CDC34: variants seen among roughly 807,000 people sequenced by gnomAD.
CDC34 encodes the protein ubiquitin-conjugating enzyme E2 R1.
A neutral mutation model predicts 26.8 loss-of-function variants in CDC34; 18 were observed. The observed-to-expected ratio is 0.67, with a 90% CI of 0.47 to 1.00. The LOEUF (loss-of-function observed/expected upper bound fraction) is 1.00, where lower values mean the gene tolerates loss of function less well. Among genes scored for constraint, CDC34 ranks in the 50% least tolerant of loss-of-function variants. The probability of loss-of-function intolerance (pLI) is 0.00; values close to 1 mark genes in which losing one functional copy is unlikely to be tolerated. For synonymous variants in CDC34, 178 were observed against 147.5 expected (o/e 1.21, Z -1.50); for missense variants, 280 against 334.5 (o/e 0.84, Z 1.27).
At chr19:534,489 C>T (rs1385577117) in intron 1 of CDC34, among the ~76,000 whole-genome samples, 5 of 124,212 alleles carry the variant, frequency 4.0e-5, no homozygotes, top group African/African-American at 6.4e-5. Flanking sequence ...ACCTCACCCA[C>T]GATCCAAGAC....
chr19:536,272 C>G lies in CDC34; in HGVS notation c.294C>G (p.His98Gln). 6.2e-7 allele frequency: 1 copy of G among 1,610,044 alleles called. No individual in the cohort carries two copies. Among genetic ancestry groups the G allele is most frequent in the Non-Finnish European group, 8.5e-7 (1 of 1,178,684 alleles). ...ETGDVCISIL[H>Q]PPVDDPQSGE... ...GGGACGTGTGTATCTCCATCCTCCA[C>G]CCGCCGGTGGACGACCCCCAGAGCG... Residue 98 changes from histidine to glutamine, a missense_variant, in exon 3 of 5, where the codon CAC becomes CAG. Physicochemically the swap from His to Gln is conservative, Grantham distance 24. Transcript: ENST00000215574.
At position 541,422 on chromosome 19, in the gene CDC34, C is replaced by A. The variant is rs762396271; in HGVS notation, c.581C>A (p.Thr194Asn). The A allele has an allele frequency of 1.2e-6, 2 of 1,612,508 alleles. No homozygotes were observed. Among genetic ancestry groups the A allele is most frequent in the South Asian group, 1.1e-5 (1 of 91,062 alleles). The change falls in exon 5 of 5, where the codon ACC (threonine) becomes AAC (asparagine). Residue 194 changes from threonine (T) to asparagine (N), a missense_variant. Transcript: ENST00000215574. Reference sequence around the variant, plus strand: ...ACGCTGGCCGAGTACTGCGTGAAGACCAAGGCGCCGGCGCCCGACGAGGGC... The same window carrying A: ...ACGCTGGCCGAGTACTGCGTGAAGAACAAGGCGCCGGCGCCCGACGAGGGC... ...PTTLAEYCVKTKAPAPDEGSD... is the reference protein window; with the variant it reads ...PTTLAEYCVKNKAPAPDEGSD...
At chr19:535,149 C>G (rs1221192155) in intron 1 of CDC34, among the ~76,000 whole-genome samples, 1 of 152,234 alleles carries the variant, frequency 6.6e-6, no homozygotes, top group Non-Finnish European at 1.5e-5. Context: ...AGGCCTCCCT[C>G]TGTGGCCGTC....
intron 4 of CDC34, among the ~76,000 whole-genome samples, 170 bp downstream of exon 4, chr19:537,317 G>A (rs1217000544): frequency 2.0e-5 from 3 of 152,120 alleles, no homozygotes; most frequent in African/African-American, 7.2e-5. Flanking sequence ...GTGGCGGAGG[G>A]TCCAGCCAGG....
In CDC34 at chr19:536,289, C is replaced by A. The variant is rs773893349; in HGVS notation, c.311C>A (p.Pro104His). Residue 104 changes from proline to histidine, a missense_variant, in exon 3 of 5, where the codon CCC becomes CAC. Physicochemically the swap from Pro to His is moderately conservative, Grantham distance 77. Transcript: ENST00000215574. ...ISILHPPVDDPQSGELPSERW... is the reference protein window; with the variant it reads ...ISILHPPVDDHQSGELPSERW... ...ATCCTCCACCCGCCGGTGGACGACC[C>A]CCAGAGCGGGGAGCTGCCCTCAGAG... 6.2e-7 allele frequency: 1 copy of A among 1,612,574 alleles called. No individual in the cohort carries two copies. Among genetic ancestry groups the A allele is most frequent in the South Asian group, 1.1e-5 (1 of 90,960 alleles).
chr19:536,231 C>T lies in CDC34; in HGVS notation c.265-12C>T, dbSNP rs377054372. ...CCTCTGACCTGTTCTGACCTGTCTTCTTCTTGTGCAGACGGGGGACGTGTG... is the reference window on the plus strand; with the variant it reads ...CCTCTGACCTGTTCTGACCTGTCTTTTTCTTGTGCAGACGGGGGACGTGTG... On this transcript the variant is annotated splice_polypyrimidine_tract_variant and intron_variant, in intron 2 of 4. Coordinates refer to ENST00000215574, the MANE Select transcript of CDC34 (RefSeq NM_004359.2). The T allele has an allele frequency of 9.1e-5, 146 of 1,598,666 alleles. No individual in the cohort carries two copies. In the African/African-American group the frequency reaches 1.5e-3, roughly 17 times the overall value.
At chr19:537,574 G>C (rs1016800974) in intron 4 of CDC34, among the ~76,000 whole-genome samples, 18 of 150,198 alleles carry the variant, frequency 1.2e-4, no homozygotes, top group African/African-American at 4.2e-4. Context: ...GGATGGTCTC[G>C]ATCTCCTGAC....
At chr19:535,959 C>T (rs1302375357) in intron 2 of CDC34, 36 bp downstream of exon 2, 58 of 1,577,672 alleles carry the variant, frequency 3.7e-5, no homozygotes, top group Non-Finnish European at 4.8e-5. Flanking sequence ...AGTCCTCATC[C>T]TCCGGGACCC....
intron 1 of CDC34, among the ~76,000 whole-genome samples, chr19:532,591 A>G (rs983830195): frequency 3.3e-5 from 5 of 152,002 alleles, no homozygotes; most frequent in African/African-American, 1.2e-4. Context: ...CGTAGCTGCT[A>G]TTGTTGGGGA....
rs1980024292 is a variant in CDC34, at chr19:541,649, C to G, written c.*97C>G. The G allele has an allele frequency of 3.7e-6, 5 of 1,352,578 alleles. No homozygotes were observed. In the South Asian group the frequency reaches 4.6e-5, roughly 12 times the overall value. 83.8% of individuals were successfully genotyped at this position (1,352,578 alleles called of 1,614,324 possible). On this transcript the variant is annotated 3_prime_UTR_variant, in exon 5 of 5. Transcript: ENST00000215574. Reference sequence around the variant, plus strand: ...CTCACGGAGGTTTTGTGCTGGTCCCCGTCTCCTCTGGTTGTTTCGTTTTGG... The same window carrying G: ...CTCACGGAGGTTTTGTGCTGGTCCCGGTCTCCTCTGGTTGTTTCGTTTTGG...
chr19:532,935 G>A (rs570349789), intron 1 of CDC34, among the ~76,000 whole-genome samples: 1 of 152,302 alleles, frequency 6.6e-6, no homozygotes, highest in African/African-American at 2.4e-5. Flanking sequence ...AGAGTCCACT[G>A]AACAGGTGGC....
chr19:538,629 C>CA (rs953172094), intron 4 of CDC34: 1 of 853,112 alleles, frequency 1.2e-6, no homozygotes, highest in African/African-American at 1.8e-5. Context: ...ATCTTAAAAA[C>CA]AACTTTTAAA....
rs16990550 is a variant in CDC34, at chr19:535,366, A to G, written c.178-471A>G. 8.4e-3 allele frequency among the ~76,000 whole-genome samples: 1,280 copies of G among 152,332 alleles called. 20 individuals carry two copies. The highest frequency in any genetic ancestry group is 0.029 in the African/African-American group (1,209 of 41,580). ...GTCACAAGTGTTTGCTAACTGAGCA[A>G]TCATCTGTGCTAACCCTCCCCACAC... is the stretch of plus-strand genomic sequence containing the variant. On this transcript the variant is annotated intron_variant, in intron 1 of 4. Transcript: ENST00000215574.
In CDC34 at chr19:541,292, C is replaced by T. The variant is rs377164965; in HGVS notation, c.498-47C>T. On this transcript the variant is annotated intron_variant, in intron 4 of 4. Transcript: ENST00000215574. Reference sequence around the variant, plus strand: ...TGGGGGAGGGGGGCCGGGCAGGGGCCGAGTCCAGGCACGTGGGTGGCGCCC... The same window carrying T: ...TGGGGGAGGGGGGCCGGGCAGGGGCTGAGTCCAGGCACGTGGGTGGCGCCC... 2.8e-5 allele frequency: 42 copies of T among 1,481,684 alleles called. No individual in the cohort carries two copies. The African/African-American group carries it at 4.5e-4, about 16-fold the overall frequency. 91.8% of individuals were successfully genotyped at this position (1,481,684 alleles called of 1,614,324 possible). A position where few individuals can be genotyped will look rare whatever the true frequency, so the allele number is the denominator to read the frequency against.
At chr19:532,174 TCC>T in intron 1 of CDC34, 66 bp downstream of exon 1, 1 of 1,304,232 alleles carries the variant, frequency 7.7e-7, no homozygotes. Context: ...GGGAACCAGC[TCC>T]CTGCCCCGCG....
chr19:542,055 T>G lies in CDC34; in HGVS notation c.*503T>G, dbSNP rs1212902467. 1 of 152,794 alleles carries G rather than the reference T, an allele frequency of 6.5e-6. No homozygotes were observed. The highest frequency in any genetic ancestry group is 2.4e-5 in the African/African-American group (1 of 41,472). The allele number at this position is 152,794 out of a possible 1,614,324, so 9.5% of individuals were successfully genotyped here. Reference sequence around the variant, plus strand: ...GCCGACTCTTTTCCCTGCTTTGGTTTGTTTGAAATCTAAATAAAACTACTT... The same window carrying G: ...GCCGACTCTTTTCCCTGCTTTGGTTGGTTTGAAATCTAAATAAAACTACTT... On this transcript the variant is annotated 3_prime_UTR_variant, in exon 5 of 5. Coordinates refer to ENST00000215574, the MANE Select transcript of CDC34 (RefSeq NM_004359.2).
At chr19:535,759 A>T in intron 1 of CDC34, 78 bp from the exon 2 acceptor site, 1 of 1,090,138 alleles carries the variant, frequency 9.2e-7, no homozygotes, top group Non-Finnish European at 1.4e-6. Context: ...TGGGAGTGGG[A>T]TGGCCTTGGG....
intron 4 of CDC34, 98 bp downstream of exon 4, chr19:537,245 G>T: frequency 7.1e-7 from 1 of 1,401,666 alleles, no homozygotes. Context: ...TTCCTGGTGA[G>T]GGTGGCGGAG....
In CDC34 at chr19:541,778, G is replaced by C. The variant is rs975533314; in HGVS notation, c.*226G>C. 1 of 398,212 alleles carries C rather than the reference G, an allele frequency of 2.5e-6. No homozygotes were observed. Among genetic ancestry groups the C allele is most frequent in the Non-Finnish European group, 4.4e-6 (1 of 227,312 alleles). The allele number at this position is 398,212 out of a possible 1,614,324, so 24.7% of individuals were successfully genotyped here. A position where few individuals can be genotyped will look rare whatever the true frequency, so the allele number is the denominator to read the frequency against. On this transcript the variant is annotated 3_prime_UTR_variant, in exon 5 of 5. Coordinates refer to ENST00000215574, the MANE Select transcript of CDC34 (RefSeq NM_004359.2). ...ACTCGGGGCTCGGTGGACGGGCCCAGGGTGGGAGCGGCCGGCCCACCTGTC... is the reference window on the plus strand; with the variant it reads ...ACTCGGGGCTCGGTGGACGGGCCCACGGTGGGAGCGGCCGGCCCACCTGTC...
Sources: gnomAD v4.1 joint callset for allele counts (sites outside exome capture counted in the v4.1 genomes callset) on GRCh38, gnomAD v4.1.1 for gene constraint, MANE v1.5 for transcripts, NCBI Gene and HGNC (gene_info 2026-07-23, HGNC 2026-07-21) for gene names.